Variants in CLEC2A observed in about 807,000 individuals in gnomAD.
CLEC2A encodes keratinocyte-associated C-type lectin.
Under a neutral mutation model 18.6 loss-of-function variants are expected in CLEC2A, and 19 were observed. That is an observed-to-expected ratio of 1.02 (90% CI 0.71 to 1.50). The LOEUF (loss-of-function observed/expected upper bound fraction) is 1.50. CLEC2A is among the 40% of genes most tolerant of loss of function. The pLI, the probability that CLEC2A is intolerant of heterozygous loss-of-function variation, is 0.00. For synonymous variants in CLEC2A, 74 were observed against 64.0 expected (o/e 1.16, Z -0.75); for missense variants, 190 against 207.9 (o/e 0.91, Z 0.53).
At chr12:9,903,589 A>C (rs1019497641) in intron 4 of CLEC2A, among the ~76,000 whole-genome samples, 1 of 152,250 alleles carries the variant, frequency 6.6e-6, no homozygotes, top group African/African-American at 2.4e-5. Context: ...ATCATGACAC[A>C]GACCTCACCC....
downstream of CLEC2A, among the ~76,000 whole-genome samples, chr12:9,912,902 T>C (rs1863009724): frequency 6.6e-6 from 1 of 152,152 alleles, no homozygotes; most frequent in Non-Finnish European, 1.5e-5. Context: ...TTTTCTCTAG[T>C]TTTTCTTACT....
At chr12:9,893,523 A>C in the CLEC2A span, 20 of 1,480,108 alleles carry the variant, frequency 1.4e-5, no homozygotes, top group Non-Finnish European at 1.8e-5. Context: ...ATAGATGAAC[A>C]CTTTTTAGTT....
At chr12:9,924,361 A>G (rs1863228982) in intron 2 of CLEC2A, among the ~76,000 whole-genome samples, 1 of 152,172 alleles carries the variant, frequency 6.6e-6, no homozygotes. Flanking sequence ...TTAGACAGCA[A>G]TAACATTAAG....
chr12:9,888,137 T>A, the CLEC2A span, among the ~76,000 whole-genome samples: 1 of 125,712 alleles, frequency 8.0e-6, no homozygotes. Context: ...AAAAGTCCAG[T>A]GAAAAAAATA....
the CLEC2A span, among the ~76,000 whole-genome samples, chr12:9,880,699 G>A: frequency 6.6e-6 from 1 of 152,160 alleles, no homozygotes; most frequent in African/African-American, 2.4e-5. Flanking sequence ...AGCTAATGCT[G>A]CAGATAGTCT....
At chr12:9,892,687 C>T in the CLEC2A span, among the ~76,000 whole-genome samples, 5 of 147,968 alleles carry the variant, frequency 3.4e-5, no homozygotes, top group East Asian at 2.0e-4. Flanking sequence ...CAGGTTCAAG[C>T]GATTCTCCTG....
intron 4 of CLEC2A, 39 bp downstream of exon 4, chr12:9,916,661 C>A: frequency 8.1e-7 from 1 of 1,240,442 alleles, no homozygotes; most frequent in Non-Finnish European, 1.2e-6. Context: ...TCATATGACA[C>A]ACCAGAATAA....
At chr12:9,924,483 A>G (rs1381920605) in intron 2 of CLEC2A, among the ~76,000 whole-genome samples, 1 of 151,762 alleles carries the variant, frequency 6.6e-6, no homozygotes, top group East Asian at 1.9e-4. Context: ...AAACCAAAAC[A>G]AAACAAAGAG....
chr12:9,887,702 A>T, the CLEC2A span, among the ~76,000 whole-genome samples: 4 of 151,718 alleles, frequency 2.6e-5, no homozygotes, highest in Non-Finnish European at 1.5e-5. Context: ...AGCTGAAGGA[A>T]CTTGATGATA....
At chr12:9,906,282 G>A (rs1862907086) in intron 4 of CLEC2A, among the ~76,000 whole-genome samples, 1 of 152,122 alleles carries the variant, frequency 6.6e-6, no homozygotes, top group South Asian at 2.1e-4. Flanking sequence ...GAGATAATGG[G>A]GACTGCAATA....
Position 9,919,299 on chromosome 12 carries a change from G to A in CLEC2A, c.307-2496C>T, listed in dbSNP as rs911837838. 7.2e-5 allele frequency among the ~76,000 whole-genome samples: 11 copies of A among 152,216 alleles called. No homozygotes were observed. In the East Asian group the frequency reaches 1.5e-3, roughly 21 times the overall value. On this transcript the variant is annotated intron_variant, in intron 3 of 4. Coordinates refer to ENST00000455827, the MANE Select transcript of CLEC2A (RefSeq NM_001130711.2). Reference sequence around the variant, plus strand: ...CCTGGGAGCTTCACTCCAGAGAGATGCAAGTAAGCAATCATTCAGTGCAAT... The same window carrying A: ...CCTGGGAGCTTCACTCCAGAGAGATACAAGTAAGCAATCATTCAGTGCAAT...
chr12:9,892,730 A>G, the CLEC2A span, among the ~76,000 whole-genome samples: 1 of 151,608 alleles, frequency 6.6e-6, no homozygotes, highest in African/African-American at 2.4e-5. Context: ...GATTACAGGC[A>G]TGGGCCACCA....
intron 3 of CLEC2A, among the ~76,000 whole-genome samples, chr12:9,921,605 A>G (rs985469346): frequency 2.0e-5 from 3 of 152,138 alleles, no homozygotes; most frequent in Non-Finnish European, 4.4e-5. Flanking sequence ...ACAAACAAAC[A>G]AACAAAAAAC....
chr12:9,918,950 A>G (rs1863118160), intron 3 of CLEC2A, among the ~76,000 whole-genome samples: 1 of 152,170 alleles, frequency 6.6e-6, no homozygotes. Context: ...AGAGGGGGTT[A>G]TGTTAGTGAG....
chr12:9,906,985 T>C (rs1376395167), intron 4 of CLEC2A, among the ~76,000 whole-genome samples: 2 of 152,226 alleles, frequency 1.3e-5, no homozygotes. Flanking sequence ...GTCACCTCCC[T>C]GCCTTTTGGT....
At chr12:9,916,592 C>T (rs1863074694) in intron 4 of CLEC2A, 108 bp downstream of exon 4, 1 of 782,814 alleles carries the variant, frequency 1.3e-6, no homozygotes, top group Non-Finnish European at 2.1e-6. Flanking sequence ...AAGTTAATTC[C>T]ACATGGAAAA....
chr12:9,921,215 C>T (rs594537), intron 3 of CLEC2A, among the ~76,000 whole-genome samples: 117,676 of 152,136 alleles, frequency 0.77, 46,149 homozygotes, highest in African/African-American at 0.9. Context: ...CATTGTCATA[C>T]ACAGTTGACT....
intron 4 of CLEC2A, among the ~76,000 whole-genome samples, chr12:9,901,231 A>G (rs1449819311): frequency 6.6e-6 from 1 of 152,192 alleles, no homozygotes; most frequent in African/African-American, 2.4e-5. Context: ...CTTTATTCCA[A>G]TGTCACAATC....
chr12:9,917,327 C>A (rs904323637), intron 3 of CLEC2A, among the ~76,000 whole-genome samples: 4 of 152,116 alleles, frequency 2.6e-5, no homozygotes, highest in African/African-American at 9.7e-5. Context: ...AAGTATTAAG[C>A]CCACTAACCA....
Sources: allele counts gnomAD v4.1 joint callset (sites outside exome capture counted in the v4.1 genomes callset), GRCh38; gene constraint gnomAD v4.1.1; transcripts MANE v1.5; gene names NCBI Gene and HGNC (gene_info 2026-07-23, HGNC 2026-07-21).